ABAT: variants seen among roughly 807,000 people sequenced by gnomAD.
ABAT encodes 4-aminobutyrate aminotransferase.
In ABAT, 45 loss-of-function variants were observed where a neutral mutation model predicts 64.6. That is an observed-to-expected ratio of 0.70 (90% confidence interval 0.55 to 0.89). The LOEUF (loss-of-function observed/expected upper bound fraction) is 0.89. Ranked by LOEUF, ABAT falls within the 40% of genes least tolerant of loss-of-function variation. The pLI is 0.00. For synonymous variants in ABAT, 297 were observed against 250.5 expected, an observed-to-expected ratio of 1.19 and a Z score of -1.75; for missense variants, 633 against 658.4, an observed-to-expected ratio of 0.96 and a Z score of 0.42.
chr16:8,723,197 C>T (rs1187927170), intron 1 of ABAT, among the ~76,000 whole-genome samples: 1 of 152,184 alleles, frequency 6.6e-6, no homozygotes, highest in Admixed American at 6.5e-5. Context: ...CACACCAGTG[C>T]ACTCCAGCCT....
Position 8,685,228 on chromosome 16 carries a change from G to A in ABAT, c.-42+10517G>A, listed in dbSNP as rs553119754. On this transcript the variant is annotated intron_variant, in intron 1 of 15. Coordinates refer to ENST00000268251, the MANE Select transcript of ABAT (RefSeq NM_020686.6). ...TTGAGCCTGGGAAGGGGAGGTTGCA[G>A]TGAGCCAGGATCACGCCATTGCACT... Among the ~76,000 whole-genome samples the A allele has an allele frequency of 3.9e-5, 6 of 152,208 alleles. No individual in the cohort carries two copies. The South Asian group carries it at 1.2e-3, about 32-fold the overall frequency.
intron 14 of ABAT, among the ~76,000 whole-genome samples, chr16:8,777,191 C>T (rs528424961): frequency 3.5e-4 from 53 of 152,312 alleles, no homozygotes; most frequent in African/African-American, 1.2e-3. Context: ...GCATGGGCCA[C>T]CGTGCCCGGC....
chr16:8,708,096 G>A (rs534555896), intron 1 of ABAT, among the ~76,000 whole-genome samples: 8 of 152,260 alleles, frequency 5.3e-5, no homozygotes, highest in Admixed American at 5.2e-4. Flanking sequence ...TGTTCCTATG[G>A]GTAGCTGCTC....
intron 1 of ABAT, among the ~76,000 whole-genome samples, chr16:8,709,147 A>G (rs1731061): frequency 0.7 from 105,877 of 151,960 alleles, 37,587 homozygotes; most frequent in East Asian, 0.85. Context: ...TTACCTGTTG[A>G]AATGATGAGA....
At chr16:8,760,952 AC>A (rs1346253249) in intron 6 of ABAT, among the ~76,000 whole-genome samples, 1 of 151,974 alleles carries the variant, frequency 6.6e-6, no homozygotes, top group Non-Finnish European at 1.5e-5. Context: ...GGTGGTGCAT[AC>A]CTGTAGTCCC....
chr16:8,774,230 C>T (rs1413211830), intron 12 of ABAT, among the ~76,000 whole-genome samples: 1 of 152,126 alleles, frequency 6.6e-6, no homozygotes, highest in East Asian at 1.9e-4. Flanking sequence ...CCGCGCCTTG[C>T]CGAGTGTGTA....
Position 8,772,852 on chromosome 16 carries a change from T to C in ABAT, c.889T>C (p.Ser297Pro). ...VAGIIVEPIQ[S>P]EGGDNHASDD... is the part of the protein sequence containing the mutation. Reference sequence around the variant, plus strand: ...CGGGATCATCGTGGAGCCCATCCAGTCCGAGGGTGGAGACAACCACGCATC... The same window carrying C: ...CGGGATCATCGTGGAGCCCATCCAGCCCGAGGGTGGAGACAACCACGCATC... The change falls in exon 12 of 16, where the codon TCC becomes CCC. Residue 297 changes from serine (S) to proline (P), a missense_variant. Transcript: ENST00000268251. The C allele has an allele frequency of 6.2e-7, 1 of 1,614,034 alleles. No homozygotes were observed. Among genetic ancestry groups the C allele is most frequent in the Non-Finnish European group, 8.5e-7 (1 of 1,179,998 alleles).
intron 9 of ABAT, among the ~76,000 whole-genome samples, chr16:8,767,807 C>G (rs1441392307): frequency 6.6e-6 from 1 of 152,066 alleles, no homozygotes; most frequent in Non-Finnish European, 1.5e-5. Flanking sequence ...TCCCAAGTAG[C>G]TAGGATTACA....
At chr16:8,695,664 G>C (rs1422157669) in intron 1 of ABAT, among the ~76,000 whole-genome samples, 1 of 151,964 alleles carries the variant, frequency 6.6e-6, no homozygotes, top group East Asian at 1.9e-4. Context: ...TCCACCACAG[G>C]GCCTTTCGGC....
Position 8,774,968 on chromosome 16 carries a change from G to A in ABAT, c.1033G>A (p.Gly345Ser), listed in dbSNP as rs903424190. The A allele has an allele frequency of 1.2e-6, 2 of 1,614,158 alleles. No homozygotes were observed. Among genetic ancestry groups the A allele is most frequent in the Non-Finnish European group, 1.7e-6 (2 of 1,180,032 alleles). ...CAAGTTCTGGGCCCATGAGCACTGG[G>A]GCCTGGATGACCCAGCAGACGTGAT... ...TGKFWAHEHW[G>S]LDDPADVMTF... Residue 345 changes from glycine (G) to serine (S), a missense_variant, in exon 13 of 16, where the codon GGC (glycine) becomes AGC (serine). Gly to Ser is a moderately conservative substitution (Grantham distance 56). Coordinates refer to ENST00000268251, the MANE Select transcript of ABAT (RefSeq NM_020686.6).
chr16:8,712,011 G>T (rs1420055832), intron 1 of ABAT, among the ~76,000 whole-genome samples: 1 of 151,592 alleles, frequency 6.6e-6, no homozygotes, highest in Non-Finnish European at 1.5e-5. Context: ...AGGTCGGGGG[G>T]GAGGGGCAGA....
intron 1 of ABAT, among the ~76,000 whole-genome samples, chr16:8,683,787 T>A (rs35896679): frequency 1.3e-5 from 2 of 151,660 alleles, no homozygotes; most frequent in African/African-American, 2.4e-5. Flanking sequence ...GTCTGGTATC[T>A]ATAGTATTGA....
intron 1 of ABAT, among the ~76,000 whole-genome samples, chr16:8,718,995 C>T (rs1022035711): frequency 7.9e-5 from 12 of 152,150 alleles, no homozygotes; most frequent in African/African-American, 2.9e-4. Flanking sequence ...GTGATTTTTG[C>T]GTACTTAGCG....
intron 9 of ABAT, among the ~76,000 whole-genome samples, chr16:8,767,809 A>G (rs150085222): frequency 0.045 from 6,904 of 151,978 alleles, 229 homozygotes; most frequent in Middle Eastern, 0.15. Context: ...CCAAGTAGCT[A>G]GGATTACAGG....
intron 6 of ABAT, among the ~76,000 whole-genome samples, chr16:8,759,241 G>A (rs1398242855): frequency 6.6e-6 from 1 of 152,034 alleles, no homozygotes; most frequent in Non-Finnish European, 1.5e-5. Flanking sequence ...CATCCCTTAA[G>A]GAGCATTTTT....
chr16:8,730,718 T>G (rs1043210459), intron 1 of ABAT, among the ~76,000 whole-genome samples: 4 of 151,996 alleles, frequency 2.6e-5, no homozygotes, highest in African/African-American at 9.7e-5. Flanking sequence ...CAGGGCTGCA[T>G]GAGGAAAGGG....
At chr16:8,716,627 C>T (rs753833669) in intron 1 of ABAT, among the ~76,000 whole-genome samples, 2 of 152,164 alleles carry the variant, frequency 1.3e-5, no homozygotes, top group African/African-American at 4.8e-5. Context: ...CAAGGGGCCT[C>T]GAATATTTAT....
In ABAT at chr16:8,782,912, C is replaced by T. The variant is rs1046097302; in HGVS notation, c.*1482C>T. The stretch of plus-strand genomic sequence containing the variant: ...GCACTTTGCTCTTTTAATAACAAAT[C>T]GTCCAAAGATCTCAAAGTAAGGGTT... On this transcript the variant is annotated 3_prime_UTR_variant, in exon 16 of 16. Transcript: ENST00000268251. The T allele has an allele frequency of 7.2e-5, 11 of 152,162 alleles. No homozygotes were observed. In the East Asian group the frequency reaches 1.7e-3, roughly 24 times the overall value. The allele number at this position is 152,162 out of a possible 1,614,324, so 9.4% of individuals were successfully genotyped here.
intron 1 of ABAT, among the ~76,000 whole-genome samples, chr16:8,703,928 A>G (rs2057882793): frequency 6.6e-6 from 1 of 152,256 alleles, no homozygotes; most frequent in Non-Finnish European, 1.5e-5. Context: ...TTTATTTAAA[A>G]AAGCAGGCCA....
Sources: gnomAD v4.1 joint callset for allele counts (sites outside exome capture counted in the v4.1 genomes callset) on GRCh38, gnomAD v4.1.1 for gene constraint, MANE v1.5 for transcripts, NCBI Gene and HGNC (gene_info 2026-07-23, HGNC 2026-07-21) for gene names.